The following NCLN variants were observed in gnomAD, a reference collection of about 807,000 sequenced individuals.
NCLN encodes the protein nicalin.
Under a neutral mutation model 69.5 loss-of-function variants are expected in NCLN, and 34 were observed. The ratio of observed to expected loss-of-function variants is 0.49; its 90% CI spans 0.37 to 0.65. The LOEUF is 0.65. Ranked by LOEUF, NCLN falls within the 30% of genes least tolerant of loss-of-function variation. The probability of loss-of-function intolerance (pLI) is 0.00; values close to 1 mark genes in which losing one functional copy is unlikely to be tolerated. For missense variants in NCLN, 710 were observed against 804.8 expected (o/e 0.88, Z 1.42); for synonymous variants, 393 against 358.3 (o/e 1.10, Z -1.09).
intron 5 of NCLN, among the ~76,000 whole-genome samples, chr19:3,200,500 T>G (rs1031277032): frequency 6.6e-6 from 1 of 151,188 alleles, no homozygotes; most frequent in Non-Finnish European, 1.5e-5. Flanking sequence ...TTAGTAGAGA[T>G]AGGGTTTCAC....
intron 3 of NCLN, among the ~76,000 whole-genome samples, chr19:3,195,780 G>A (rs1915939243): frequency 1.3e-5 from 2 of 151,964 alleles, no homozygotes; most frequent in East Asian, 1.9e-4. Context: ...GACAGCATGA[G>A]ACCCTGTCTC....
At chr19:3,196,552 C>T (rs942540424) in intron 4 of NCLN, among the ~76,000 whole-genome samples, 3 of 152,244 alleles carry the variant, frequency 2.0e-5, no homozygotes, top group Admixed American at 6.5e-5. Flanking sequence ...CACACCAAGC[C>T]GCTGCCTCCC....
chr19:3,200,312 A>ATTTTTTT (rs34745192), intron 5 of NCLN, among the ~76,000 whole-genome samples: 3 of 126,906 alleles, frequency 2.4e-5, no homozygotes, highest in South Asian at 2.5e-4. Context: ...TTATTTATGT[A>ATTTTTTT]TTTTTTTTTT....
chr19:3,202,798 G>A (rs958952814), intron 6 of NCLN, among the ~76,000 whole-genome samples: 1 of 151,790 alleles, frequency 6.6e-6, no homozygotes, highest in Non-Finnish European at 1.5e-5. Context: ...GCCCCCCACT[G>A]ATGCCTTTTG....
At chr19:3,201,706 G>A in intron 6 of NCLN, 80 bp downstream of exon 6, 1 of 1,209,324 alleles carries the variant, frequency 8.3e-7, no homozygotes, top group Non-Finnish European at 1.1e-6. Context: ...CACCTCTGCA[G>A]ATGTTTCTCT....
At chr19:3,192,080 C>T (rs916825071) in intron 1 of NCLN, among the ~76,000 whole-genome samples, 5 of 152,238 alleles carry the variant, frequency 3.3e-5, no homozygotes, top group Admixed American at 2.0e-4. Flanking sequence ...CCCAGCTACT[C>T]GGGAGGCTGC....
rs1916044435 is a variant in NCLN at position 3,198,825 on chromosome 19, G to A, written c.624G>A (p.Leu208=). ...CTGCTCTCTATCCACAGGGGCGGCTGACGGGGCTGGGCGGAGAGGACCTTC... is the reference window on the plus strand; with the variant it reads ...CTGCTCTCTATCCACAGGGGCGGCTAACGGGGCTGGGCGGAGAGGACCTTC... The part of the protein sequence containing the change: ...DWLIASVEGR[L]TGLGGEDLPT... The change falls in exon 5 of 15, where the codon CTG becomes CTA. Residue 208 remains leucine (L), a synonymous_variant. Transcript: ENST00000246117. 2 of 1,580,124 alleles carry A rather than the reference G, an allele frequency of 1.3e-6. No individual in the cohort carries two copies. Among genetic ancestry groups the A allele is most frequent in the Non-Finnish European group, 8.6e-7 (1 of 1,164,430 alleles).
chr19:3,187,353 A>G (rs1460164287), intron 1 of NCLN, among the ~76,000 whole-genome samples: 2 of 152,100 alleles, frequency 1.3e-5, no homozygotes, highest in Non-Finnish European at 2.9e-5. Flanking sequence ...CTGGAAGTCA[A>G]GGCCTGGCCT....
At chr19:3,206,699 G>A (rs1003235786) in intron 12 of NCLN, among the ~76,000 whole-genome samples, 3 of 152,236 alleles carry the variant, frequency 2.0e-5, no homozygotes, top group Admixed American at 2.0e-4. Context: ...AGGCGGATGT[G>A]GCAGTGGGCA....
chr19:3,199,613 T>C (rs1798927079), intron 5 of NCLN, among the ~76,000 whole-genome samples: 1 of 151,884 alleles, frequency 6.6e-6, no homozygotes, highest in Admixed American at 6.6e-5. Flanking sequence ...ACAAGCTTGG[T>C]TCTGCTCAGC....
At chr19:3,186,823 C>T (rs1030590076) in intron 1 of NCLN, among the ~76,000 whole-genome samples, 1 of 152,174 alleles carries the variant, frequency 6.6e-6, no homozygotes, top group Admixed American at 6.5e-5. Context: ...CTCCCACGGC[C>T]CTGGGTGCCA....
At chr19:3,201,388 T>C (rs777076329) in intron 5 of NCLN, 135 bp from the exon 6 acceptor site, 9 of 638,020 alleles carry the variant, frequency 1.4e-5, no homozygotes, top group African/African-American at 5.5e-5. Flanking sequence ...CCGTGGCTGC[T>C]GTGGGCAGAG....
At chr19:3,204,471 T>G (rs760295134) in intron 8 of NCLN, 102 bp from the exon 9 acceptor site, 42 of 1,291,998 alleles carry the variant, frequency 3.3e-5, no homozygotes, top group Middle Eastern at 4.8e-4. Flanking sequence ...CTCCTCATTT[T>G]GCACCCTCGG....
intron 3 of NCLN, among the ~76,000 whole-genome samples, chr19:3,195,182 GA>G (rs57369430): frequency 0.54 from 77,068 of 143,630 alleles, 21,174 homozygotes; most frequent in East Asian, 0.91. Context: ...ACTCCGACTT[GA>G]AAAAAAAAAA....
At chr19:3,195,885 T>C (rs1915942178) in intron 3 of NCLN, among the ~76,000 whole-genome samples, 1 of 152,226 alleles carries the variant, frequency 6.6e-6, no homozygotes, top group Admixed American at 6.5e-5. Flanking sequence ...GGGCAGGTCC[T>C]GGCCCTAAGT....
intron 4 of NCLN, 39 bp from the exon 5 acceptor site, chr19:3,198,778 C>T (rs1342450835): frequency 1.4e-5 from 21 of 1,537,518 alleles, no homozygotes; most frequent in East Asian, 2.5e-5. Context: ...TCACCTGCCC[C>T]AGGAACAGCC....
At chr19:3,203,631 C>A in intron 6 of NCLN, 125 bp from the exon 7 acceptor site, 2 of 814,378 alleles carry the variant, frequency 2.5e-6, no homozygotes, top group Non-Finnish European at 3.9e-6. Flanking sequence ...CCCTAAGGGG[C>A]TGGTCAGGAT....
At position 3,207,941 on chromosome 19, in the gene NCLN, C is replaced by T. The variant is rs193140733; in HGVS notation, c.*253C>T. ...TGGGAGACGTCCCGGGGCCAGGCTA[C>T]GGACTTGCGGACGAGCCCCCCAGTC... On this transcript the variant is annotated 3_prime_UTR_variant, in exon 15 of 15. Transcript: ENST00000246117. 1.9e-3 allele frequency: 962 copies of T among 508,322 alleles called. 6 individuals carry two copies. Among genetic ancestry groups the T allele is most frequent in the Admixed American group, 9.5e-3 (281 of 29,660 alleles). 31.5% of individuals were successfully genotyped at this position (508,322 alleles called of 1,614,324 possible).
chr19:3,204,279 G>GCTGGGGTGTTCTGTC (rs1916203100), intron 8 of NCLN, 135 bp downstream of exon 8: 10 of 1,172,454 alleles, frequency 8.5e-6, no homozygotes, highest in Non-Finnish European at 1.0e-5. Flanking sequence ...TCGGGGTCGG[G>GCTGGGGTGTTCTGTC]CTGGGGTGTT....
Sources: gnomAD v4.1 joint callset for allele counts (sites outside exome capture counted in the v4.1 genomes callset) on GRCh38, gnomAD v4.1.1 for gene constraint, MANE v1.5 for transcripts, NCBI Gene and HGNC (gene_info 2026-07-23, HGNC 2026-07-21) for gene names.